Variants in AIG1 observed in about 807,000 individuals in gnomAD.
The protein encoded by AIG1 is androgen-induced gene 1 protein.
A neutral mutation model predicts 31.4 loss-of-function variants in AIG1; 23 were observed. That is an observed-to-expected ratio of 0.73 (90% CI 0.53 to 1.04). The LOEUF (loss-of-function observed/expected upper bound fraction) is 1.04. AIG1 is among the 50% of genes least tolerant of loss of function. The probability of loss-of-function intolerance (pLI) is 0.00; values close to 1 mark genes in which losing one functional copy is unlikely to be tolerated. For missense variants in AIG1, 274 were observed against 295.0 expected (o/e 0.93, Z 0.52); for synonymous variants, 100 against 110.5 (o/e 0.90, Z 0.60).
chr6:143,159,297 G>A (rs1448632953), intron 2 of AIG1, among the ~76,000 whole-genome samples: 1 of 152,210 alleles, frequency 6.6e-6, no homozygotes, highest in Admixed American at 6.5e-5. Context: ...GAGAAAGGAA[G>A]GAACCAAATC....
In AIG1 at chr6:143,270,420, T is replaced by C. The variant is rs575408367; in HGVS notation, c.400-13690T>C. Among the ~76,000 whole-genome samples the C allele has an allele frequency of 2.0e-5, 3 of 152,356 alleles. No individual in the cohort carries two copies. The East Asian group carries it at 5.8e-4, about 29-fold the overall frequency. On this transcript the variant is annotated intron_variant, in intron 3 of 5. Transcript: ENST00000357847. ...TTCTTAGAGGCCTTTCTCCACCTATTACCTACTGTCTTCCCACCCACGCTT... is the reference window on the plus strand; with the variant it reads ...TTCTTAGAGGCCTTTCTCCACCTATCACCTACTGTCTTCCCACCCACGCTT...
intron 2 of AIG1, among the ~76,000 whole-genome samples, chr6:143,159,965 G>A (rs1482883287): frequency 6.6e-6 from 1 of 152,174 alleles, no homozygotes; most frequent in Non-Finnish European, 1.5e-5. Flanking sequence ...AAAGAAATCT[G>A]GAAGCAAGGT....
chr6:143,228,934 A>G (rs1216299862), intron 3 of AIG1, among the ~76,000 whole-genome samples: 2 of 152,222 alleles, frequency 1.3e-5, no homozygotes, highest in Non-Finnish European at 2.9e-5. Context: ...CACATGAGAC[A>G]CTGCTTTGAA....
chr6:143,063,886 C>G (rs1306104856), intron 1 of AIG1, among the ~76,000 whole-genome samples: 6 of 152,168 alleles, frequency 3.9e-5, no homozygotes, highest in African/African-American at 1.4e-4. Flanking sequence ...ATTCATTTCT[C>G]TCCTTGGGTA....
At position 143,235,386 on chromosome 6, in the gene AIG1, T is replaced by G. The variant is rs113211671; in HGVS notation, c.400-48724T>G. On this transcript the variant is annotated intron_variant, in intron 3 of 5. Coordinates refer to ENST00000357847, the MANE Select transcript of AIG1 (RefSeq NM_016108.4). ...AACATCTGAAATTTGTATAGATACC[T>G]TTTCGCTTTGTGGCATGTGGTCATA... 2.2e-3 allele frequency among the ~76,000 whole-genome samples: 338 copies of G among 152,352 alleles called. 1 individual carries two copies. The highest frequency in any genetic ancestry group is 7.8e-3 in the African/African-American group (323 of 41,580).
downstream of AIG1, chr6:143,342,462 G>T: frequency 2.6e-6 from 2 of 776,748 alleles, no homozygotes; most frequent in Non-Finnish European, 4.8e-6. Context: ...AAGTGGTGAA[G>T]CATACAAGAG....
intron 1 of AIG1, among the ~76,000 whole-genome samples, chr6:143,101,146 G>A (rs1355929889): frequency 6.6e-6 from 1 of 152,020 alleles, no homozygotes; most frequent in African/African-American, 2.4e-5. Flanking sequence ...AAAGTGAGAT[G>A]TCAGGTTGCT....
intron 1 of AIG1, among the ~76,000 whole-genome samples, chr6:143,068,358 T>A (rs953115624): frequency 2.6e-5 from 4 of 152,246 alleles, no homozygotes; most frequent in African/African-American, 9.6e-5. Context: ...CTATACAACA[T>A]AGCTCTCTTG....
intron 3 of AIG1, among the ~76,000 whole-genome samples, chr6:143,237,254 G>T (rs1793875319): frequency 6.6e-6 from 1 of 152,138 alleles, no homozygotes; most frequent in African/African-American, 2.4e-5. Context: ...ATATTTTTGA[G>T]CATCTACTGT....
At chr6:143,113,810 C>G (rs1024751762) in intron 1 of AIG1, among the ~76,000 whole-genome samples, 5 of 151,740 alleles carry the variant, frequency 3.3e-5, no homozygotes, top group Admixed American at 1.3e-4. Context: ...AGTCTCCCTC[C>G]GTCACCCAGG....
rs527622424 is a variant in AIG1, at chr6:143,081,953, C to CCCTTTCCTTT, written c.141+20899_141+20908dup. Among the ~76,000 whole-genome samples the CCCTTTCCTTT allele has an allele frequency of 3.1e-3, 472 of 152,054 alleles. 3 individuals are homozygous for CCCTTTCCTTT. Among genetic ancestry groups the CCCTTTCCTTT allele is most frequent in the African/African-American group, 0.011 (438 of 41,460 alleles). Reference sequence around the variant, plus strand: ...ATCTGCTTGGCGATTCCCTATATTTCCCTTTCCTTTCCTTTCCTTTCTGAT... The same window carrying CCCTTTCCTTT: ...ATCTGCTTGGCGATTCCCTATATTTCCCTTTCCTTTCCTTTCCTTTCCTTTCCTTTCTGAT... On this transcript the variant is annotated intron_variant, in intron 1 of 5. Coordinates refer to ENST00000357847, the MANE Select transcript of AIG1 (RefSeq NM_016108.4).
chr6:143,246,689 C>T (rs1454013666), intron 3 of AIG1, among the ~76,000 whole-genome samples: 5 of 152,228 alleles, frequency 3.3e-5, no homozygotes, highest in Non-Finnish European at 7.3e-5. Flanking sequence ...TGAGCACTTA[C>T]ATACCGTGTA....
intron 3 of AIG1, among the ~76,000 whole-genome samples, chr6:143,196,240 A>T (rs1001877006): frequency 6.6e-6 from 1 of 152,194 alleles, no homozygotes; most frequent in Non-Finnish European, 1.5e-5. Context: ...GAAAAATGGG[A>T]AAAAGTAGTT....
rs573992969 is a variant in AIG1 at position 143,244,504 on chromosome 6, C to T, written c.400-39606C>T. Among the ~76,000 whole-genome samples, 130 of 152,334 alleles carry T rather than the reference C, an allele frequency of 8.5e-4. 1 individual carries two copies. In the Middle Eastern group the frequency reaches 0.01, roughly 12 times the overall value. ...AAGGGCTGCATGAATTCACAGCACA[C>T]TGAGTAGGCTCTGATAACGTACTAA... On this transcript the variant is annotated intron_variant, in intron 3 of 5. Coordinates refer to ENST00000357847, the MANE Select transcript of AIG1 (RefSeq NM_016108.4).
intron 4 of AIG1, among the ~76,000 whole-genome samples, chr6:143,285,767 C>T (rs1468864060): frequency 2.0e-5 from 3 of 152,058 alleles, no homozygotes; most frequent in African/African-American, 7.2e-5. Flanking sequence ...TTGCCTCATC[C>T]AAAACCTTAA....
At chr6:143,254,709 G>A (rs943866196) in intron 3 of AIG1, among the ~76,000 whole-genome samples, 3 of 152,070 alleles carry the variant, frequency 2.0e-5, no homozygotes, top group Non-Finnish European at 4.4e-5. Flanking sequence ...GCTTTGTGAG[G>A]CACTTAAAAA....
intron 3 of AIG1, among the ~76,000 whole-genome samples, chr6:143,257,674 A>T (rs1389447401): frequency 6.6e-6 from 1 of 152,082 alleles, no homozygotes; most frequent in Non-Finnish European, 1.5e-5. Context: ...GCCGTGTTTT[A>T]TGTTATTTGC....
At position 143,284,117 on chromosome 6, in the gene AIG1, C is replaced by T. The variant is rs148165797; in HGVS notation, c.407C>T (p.Thr136Met). The T allele has an allele frequency of 3.8e-5, 61 of 1,612,910 alleles. No homozygotes were observed. The highest frequency in any genetic ancestry group is 4.7e-5 in the Non-Finnish European group (55 of 1,179,056). ...GTCTCTGTTATTTTCCAGCACACGA[C>T]GGTTCTGCCCTTTATATTAATCGAG... ...PGWLNHGMHT[T>M]VLPFILIEMR... Residue 136 changes from threonine (T) to methionine (M), a missense_variant, in exon 4 of 6, where the codon ACG becomes ATG. Around this residue, in one of 2 missense-constraint regions of AIG1, gnomAD observed 243 missense variants for 238.5 expected, o/e 1.02. Transcript: ENST00000357847. The surrounding 1 kb of genome is among the most constrained non-coding windows in gnomAD (Gnocchi z 4.4).
At chr6:143,079,058 G>A (rs998824603) in intron 1 of AIG1, among the ~76,000 whole-genome samples, 4 of 152,044 alleles carry the variant, frequency 2.6e-5, no homozygotes, top group African/African-American at 9.7e-5. Context: ...AATTGGTGAC[G>A]CCTTCACAGT....
Sources: allele counts gnomAD v4.1 joint callset (sites outside exome capture counted in the v4.1 genomes callset), GRCh38; gene constraint gnomAD v4.1.1; regional missense constraint gnomAD v4.1.1; non-coding constraint Gnocchi (gnomAD v3.1); transcripts MANE v1.5; gene names NCBI Gene and HGNC (gene_info 2026-07-23, HGNC 2026-07-21).